CNOT9: variants seen among roughly 807,000 people sequenced by gnomAD.
The protein encoded by CNOT9 is CCR4-NOT transcription complex subunit 9.
A neutral mutation model predicts 37.4 loss-of-function variants in CNOT9; 8 were observed. That is an observed-to-expected ratio of 0.21 (90% confidence interval 0.13 to 0.39). The LOEUF (loss-of-function observed/expected upper bound fraction) is 0.39. Among genes scored for constraint, CNOT9 ranks in the 10% least tolerant of loss-of-function variants. CNOT9 has a pLI of 1.00. For synonymous variants in CNOT9, 120 were observed against 137.6 expected (o/e 0.87, Z 0.90); for missense variants, 154 against 365.3 (o/e 0.42, Z 4.71).
chr2:218,593,738 A>G (rs1248047058), intron 7 of CNOT9: 1 of 1,210,558 alleles, frequency 8.3e-7, no homozygotes, highest in Non-Finnish European at 1.1e-6. Flanking sequence ...GTTTGATGAT[A>G]TCCTTGTTAA....
chr2:218,594,600 G>C lies in CNOT9; in HGVS notation c.*324G>C, dbSNP rs926653325. ...GACCCTTCTCCCCTACCTCTACCTA[G>C]CCACTGGCAGGGAGGGGAGACAGTG... On this transcript the variant is annotated 3_prime_UTR_variant, in exon 8 of 8. Transcript: ENST00000273064. 10 of 287,280 alleles carry C rather than the reference G, an allele frequency of 3.5e-5. No homozygotes were observed. Among genetic ancestry groups the C allele is most frequent in the African/African-American group, 1.7e-4 (8 of 45,992 alleles). 17.8% of individuals were successfully genotyped at this position (287,280 alleles called of 1,614,324 possible).
At position 218,581,159 on chromosome 2, in the gene CNOT9, T is replaced by G. The variant is rs561572005; in HGVS notation, c.204+419T>G. 2.9e-3 allele frequency: 870 copies of G among 295,028 alleles called. 3 individuals carry two copies. Among genetic ancestry groups the G allele is most frequent in the Non-Finnish European group, 3.4e-3 (478 of 142,530 alleles). The allele number at this position is 295,028 out of a possible 1,614,324, so 18.3% of individuals were successfully genotyped here. ...AAAGAAATGGGTTTTTGGGTTTTTTTGTTTGTTTTTCTTTTTTTTTTTTTT... is the reference window on the plus strand; with the variant it reads ...AAAGAAATGGGTTTTTGGGTTTTTTGGTTTGTTTTTCTTTTTTTTTTTTTT... On this transcript the variant is annotated intron_variant, in intron 2 of 7. Coordinates refer to ENST00000273064, the MANE Select transcript of CNOT9 (RefSeq NM_005444.3).
At chr2:218,572,773 C>T (rs1446724621) in intron 1 of CNOT9, 7 of 752,472 alleles carry the variant, frequency 9.3e-6, no homozygotes, top group Admixed American at 6.3e-5. Flanking sequence ...TTTCCACTGA[C>T]AATTCTAGCA....
rs552340185 is a variant in CNOT9, at chr2:218,579,912, A to G, written c.25-649A>G. 4.1e-4 allele frequency among the ~76,000 whole-genome samples: 59 copies of G among 145,392 alleles called. No individual in the cohort carries two copies. In the South Asian group the frequency reaches 6.1e-3, roughly 15 times the overall value. On this transcript the variant is annotated intron_variant, in intron 1 of 7. Transcript: ENST00000273064. Reference sequence around the variant, plus strand: ...CAGCTCACTATAACTTCCACCTCCCATGCTCAAGCGATTCTAGTGCCTCAG... The same window carrying G: ...CAGCTCACTATAACTTCCACCTCCCGTGCTCAAGCGATTCTAGTGCCTCAG...
At chr2:218,589,168 G>A (rs886441433) in intron 5 of CNOT9, 3 of 151,786 alleles carry the variant, frequency 2.0e-5, no homozygotes, top group Non-Finnish European at 4.4e-5. Context: ...CTTGAGTTGG[G>A]TGTAAGCAGG....
intron 5 of CNOT9, among the ~76,000 whole-genome samples, chr2:218,587,982 C>T (rs1694645800): frequency 6.6e-6 from 1 of 152,142 alleles, no homozygotes. Context: ...CCTGCTCCTT[C>T]TATAACCGGG....
At chr2:218,582,023 A>G (rs955237335) in intron 2 of CNOT9, among the ~76,000 whole-genome samples, 2 of 152,124 alleles carry the variant, frequency 1.3e-5, no homozygotes, top group Non-Finnish European at 2.9e-5. Context: ...TGGAGGCTGC[A>G]GTGAGCCATG....
At chr2:218,583,467 C>T (rs1429842096) in intron 3 of CNOT9, among the ~76,000 whole-genome samples, 1 of 152,106 alleles carries the variant, frequency 6.6e-6, no homozygotes, top group African/African-American at 2.4e-5. Context: ...ATTTTTCCAG[C>T]ACTTTTCCCA....
chr2:218,597,038 G>C lies in CNOT9; in HGVS notation c.*2762G>C, dbSNP rs1328535989. The C allele has an allele frequency of 6.6e-6, 1 of 152,104 alleles. No homozygotes were observed. 9.4% of individuals were successfully genotyped at this position (152,104 alleles called of 1,614,324 possible). On this transcript the variant is annotated 3_prime_UTR_variant, in exon 8 of 8. Coordinates refer to ENST00000273064, the MANE Select transcript of CNOT9 (RefSeq NM_005444.3). Reference sequence around the variant, plus strand: ...CCTGCTGCTTAAAGGCTAGGAAAAGGGGGATATACAAAGTTGTTGCTTTCA... The same window carrying C: ...CCTGCTGCTTAAAGGCTAGGAAAAGCGGGATATACAAAGTTGTTGCTTTCA...
chr2:218,575,486 A>G (rs964340087), intron 1 of CNOT9, among the ~76,000 whole-genome samples: 3 of 143,942 alleles, frequency 2.1e-5, no homozygotes, highest in African/African-American at 7.4e-5. Flanking sequence ...GCTCACTGCA[A>G]GCTCCGCTTC....
chr2:218,590,266 G>A (rs1181305271), intron 5 of CNOT9, among the ~76,000 whole-genome samples: 1 of 152,112 alleles, frequency 6.6e-6, no homozygotes, highest in East Asian at 1.9e-4. Context: ...ATGGAGTTTC[G>A]CCATGTAGCC....
Position 218,592,393 on chromosome 2 carries a change from C to T in CNOT9, c.630C>T (p.Ala210=). Residue 210 remains alanine, a synonymous_variant, in exon 6 of 8, where the codon GCC becomes GCT. Coordinates refer to ENST00000273064, the MANE Select transcript of CNOT9 (RefSeq NM_005444.3). This position sits in a 1 kb window ranked among gnomAD's most constrained non-coding sequence, Gnocchi z 4.1. ...CQTYERFSHV[A]MILGKMVLQL... is the part of the protein sequence containing the mutation. ...CGTATGAGCGTTTCTCCCATGTTGC[C>T]ATGATCTTGGTGAGTTCTTTCATCT... is the stretch of plus-strand genomic sequence containing the variant. The T allele has an allele frequency of 6.2e-7, 1 of 1,613,008 alleles. No homozygotes were observed. The highest frequency in any genetic ancestry group is 8.5e-7 in the Non-Finnish European group (1 of 1,178,956).
At chr2:218,569,498 G>A (rs1370296901) in intron 1 of CNOT9, among the ~76,000 whole-genome samples, 1 of 152,140 alleles carries the variant, frequency 6.6e-6, no homozygotes, top group Non-Finnish European at 1.5e-5. Context: ...GACACATCTC[G>A]TTTTACCCGC....
rs192065201 is a variant in CNOT9, at chr2:218,596,585, G to A, written c.*2309G>A. 2 of 152,182 alleles carry A rather than the reference G, an allele frequency of 1.3e-5. No homozygotes were observed. The highest frequency in any genetic ancestry group is 3.9e-4 in the East Asian group (2 of 5,182). 9.4% of individuals were successfully genotyped at this position (152,182 alleles called of 1,614,324 possible). A position where few individuals can be genotyped will look rare whatever the true frequency, so the allele number is the denominator to read the frequency against. ...CAGCCCTGCTAAGATGGCAGTAGTG[G>A]TTCTTTTGTGAACATGTTTTTTGGG... On this transcript the variant is annotated 3_prime_UTR_variant, in exon 8 of 8. Coordinates refer to ENST00000273064, the MANE Select transcript of CNOT9 (RefSeq NM_005444.3).
At chr2:218,574,001 G>T (rs373235953) in intron 1 of CNOT9, 4 of 428,494 alleles carry the variant, frequency 9.3e-6, no homozygotes, top group African/African-American at 8.3e-5. Flanking sequence ...ACAGGATCTC[G>T]CTTTGTTACC....
At chr2:218,593,778 C>A in intron 7 of CNOT9, 1 of 1,203,518 alleles carries the variant, frequency 8.3e-7, no homozygotes, top group African/African-American at 1.5e-5. Flanking sequence ...TTTTATTTGC[C>A]ATAATCCATA....
intron 2 of CNOT9, chr2:218,581,237 C>T (rs540036990): frequency 3.8e-5 from 8 of 212,300 alleles, no homozygotes; most frequent in African/African-American, 9.4e-5. Context: ...GGTGCAATCC[C>T]GGCTCACTGC....
At chr2:218,587,500 A>G in intron 4 of CNOT9, 86 bp from the exon 5 acceptor site, 1 of 1,363,928 alleles carries the variant, frequency 7.3e-7, no homozygotes, top group East Asian at 2.8e-5. Flanking sequence ...ATTTAAGTTC[A>G]CAACTCACTG....
chr2:218,573,181 C>CA (rs1239820142), intron 1 of CNOT9, among the ~76,000 whole-genome samples: 4 of 151,940 alleles, frequency 2.6e-5, no homozygotes, highest in African/African-American at 7.3e-5. Flanking sequence ...AGCCTGGCGT[C>CA]ATGGCATGCG....
Sources: gnomAD v4.1 joint callset for allele counts (sites outside exome capture counted in the v4.1 genomes callset) on GRCh38, gnomAD v4.1.1 for gene constraint, Gnocchi (gnomAD v3.1) non-coding constraint, MANE v1.5 for transcripts, NCBI Gene and HGNC (gene_info 2026-07-23, HGNC 2026-07-21) for gene names.